Variants in ADGRL3 observed in about 807,000 individuals in gnomAD.
The protein encoded by ADGRL3 is adhesion G protein-coupled receptor L3.
In ADGRL3, 62 loss-of-function variants were observed where a neutral mutation model predicts 153.5. That is an observed-to-expected ratio of 0.40 (90% CI 0.33 to 0.50). The LOEUF (loss-of-function observed/expected upper bound fraction) is 0.50. Ranked by LOEUF, ADGRL3 falls within the 20% of genes least tolerant of loss-of-function variation. The pLI is 0.47. For missense variants in ADGRL3, 1,641 were observed against 1,859.4 expected (o/e 0.88, Z 2.16); for synonymous variants, 710 against 672.5 (o/e 1.06, Z -0.86).
intron 9 of ADGRL3, among the ~76,000 whole-genome samples, chr4:61,816,713 G>T (rs546485421): frequency 1.3e-5 from 2 of 152,300 alleles, no homozygotes; most frequent in Non-Finnish European, 1.5e-5. Context: ...GACCTGTCTG[G>T]AACAGCCGCT....
chr4:62,033,039 A>G (rs989675179), intron 23 of ADGRL3, among the ~76,000 whole-genome samples: 3 of 151,416 alleles, frequency 2.0e-5, no homozygotes, highest in Non-Finnish European at 4.4e-5. Context: ...TAATATGTAC[A>G]CCCCCCAAAT....
intron 5 of ADGRL3, among the ~76,000 whole-genome samples, chr4:61,655,550 A>G (rs2094421289): frequency 6.6e-6 from 1 of 152,330 alleles, no homozygotes; most frequent in East Asian, 1.9e-4. Flanking sequence ...TTACACTTGG[A>G]AAAAATTAAG....
At chr4:62,006,223 A>T (rs1365861261) in intron 21 of ADGRL3, among the ~76,000 whole-genome samples, 1 of 151,160 alleles carries the variant, frequency 6.6e-6, no homozygotes, top group African/African-American at 2.4e-5. Flanking sequence ...TTTAGTAGAG[A>T]TGGGGTTTCA....
chr4:61,929,011 A>G (rs2098806333), intron 13 of ADGRL3, among the ~76,000 whole-genome samples: 1 of 152,146 alleles, frequency 6.6e-6, no homozygotes, highest in Admixed American at 6.5e-5. Context: ...AGAAAATCAG[A>G]ACAAATATAG....
intron 4 of ADGRL3, among the ~76,000 whole-genome samples, chr4:61,585,422 C>G (rs1181573473): frequency 1.3e-5 from 2 of 151,914 alleles, no homozygotes; most frequent in Non-Finnish European, 2.9e-5. Context: ...TTTATAGTTA[C>G]ATGTTTTCTC....
intron 21 of ADGRL3, among the ~76,000 whole-genome samples, chr4:62,004,102 G>A (rs909778136): frequency 1.3e-5 from 2 of 152,004 alleles, no homozygotes. Flanking sequence ...TATTATATTA[G>A]TATTTTGTGG....
Position 61,392,684 on chromosome 4 carries a change from C to CAAAAAAAAAAAAA in ADGRL3, c.-174+9505_-174+9517dup, listed in dbSNP as rs397993633. On this transcript the variant is annotated intron_variant, in intron 2 of 26. Transcript: ENST00000683033. Reference sequence around the variant, plus strand: ...CTGGTGACAGAGCGAGACTCCATCTCAAAAAAAAAAAAAAAAAAAAAAGAA... The same window carrying CAAAAAAAAAAAAA: ...CTGGTGACAGAGCGAGACTCCATCTCAAAAAAAAAAAAAAAAAAAAAAAAAAAAAAAAAAAGAA... Among the ~76,000 whole-genome samples, 10 of 13,378 alleles carry CAAAAAAAAAAAAA rather than the reference C, an allele frequency of 7.5e-4. 3 individuals are homozygous for CAAAAAAAAAAAAA. The highest frequency in any genetic ancestry group is 2.5e-3 in the East Asian group (1 of 402). The allele number at this position is 13,378 out of a possible 152,430, so 8.8% of individuals were successfully genotyped here. A position where few individuals can be genotyped will look rare whatever the true frequency, so the allele number is the denominator to read the frequency against.
rs1734355382 is a variant in ADGRL3 at position 61,200,607 on chromosome 4, C to G, written c.-1398C>G. On this transcript the variant is annotated 5_prime_UTR_variant, in exon 1 of 27. Coordinates refer to ENST00000683033, the MANE Select transcript of ADGRL3 (RefSeq NM_001387552.1). ...GCCACCGCCGCCTGTGACTCGCCCC[C>G]TCCCCTTTCTTTCTTCTCTTTTTGC... is the stretch of plus-strand genomic sequence containing the variant. 6.6e-6 allele frequency among the ~76,000 whole-genome samples: 1 copy of G among 152,130 alleles called. No homozygotes were observed. The highest frequency in any genetic ancestry group is 1.5e-5 in the Non-Finnish European group (1 of 68,022).
At chr4:61,759,766 G>A (rs113287042) in intron 8 of ADGRL3, among the ~76,000 whole-genome samples, 4,915 of 152,242 alleles carry the variant, frequency 0.032, 242 homozygotes, top group African/African-American at 0.11. Context: ...AGAGTTTCCA[G>A]TTTTTCTACT....
intron 4 of ADGRL3, among the ~76,000 whole-genome samples, chr4:61,538,060 T>G (rs576192202): frequency 1.1e-4 from 17 of 152,176 alleles, no homozygotes; most frequent in African/African-American, 4.1e-4. Flanking sequence ...ACCGCTGGAG[T>G]TTTTACATGG....
At chr4:62,057,643 A>T (rs1162707450) in intron 25 of ADGRL3, among the ~76,000 whole-genome samples, 1 of 152,060 alleles carries the variant, frequency 6.6e-6, no homozygotes, top group African/African-American at 2.4e-5. Context: ...TTTATTGACA[A>T]CCATGGTAAT....
At chr4:61,731,271 T>C (rs2096437052) in intron 7 of ADGRL3, among the ~76,000 whole-genome samples, 1 of 152,196 alleles carries the variant, frequency 6.6e-6, no homozygotes, top group East Asian at 1.9e-4. Flanking sequence ...ATTTTAGTAA[T>C]GTACTTTTCT....
chr4:61,855,319 G>T (rs2098250587), intron 9 of ADGRL3, among the ~76,000 whole-genome samples: 1 of 152,044 alleles, frequency 6.6e-6, no homozygotes, highest in Admixed American at 6.6e-5. Flanking sequence ...CACAGAAAAA[G>T]AAATAAAATT....
chr4:61,413,520 G>T (rs2097111466), intron 2 of ADGRL3, among the ~76,000 whole-genome samples: 1 of 152,038 alleles, frequency 6.6e-6, no homozygotes, highest in Non-Finnish European at 1.5e-5. Flanking sequence ...GGAACTCTAG[G>T]CTTTCTTTGG....
At chr4:61,553,605 A>G (rs2098750632) in intron 4 of ADGRL3, among the ~76,000 whole-genome samples, 1 of 152,224 alleles carries the variant, frequency 6.6e-6, no homozygotes, top group Admixed American at 6.5e-5. Flanking sequence ...ACATCACAAT[A>G]TAATAAGAGA....
rs1417147439 is a variant in ADGRL3 at position 61,354,399 on chromosome 4, TA to T, written c.-239-28719del. On this transcript the variant is annotated intron_variant, in intron 1 of 26. Transcript: ENST00000683033. ...TGGACATCCGCATATATAAATTGTT[TA>T]AAAAATATGTTAAGGCAATACAAAT... is the stretch of plus-strand genomic sequence containing the variant. Among the ~76,000 whole-genome samples, 15 of 152,240 alleles carry T rather than the reference TA, an allele frequency of 9.9e-5. 1 individual carries two copies. The highest frequency in any genetic ancestry group is 3.4e-4 in the African/African-American group (14 of 41,544).
chr4:61,624,165 A>G (rs976944449), intron 5 of ADGRL3, among the ~76,000 whole-genome samples: 7 of 152,272 alleles, frequency 4.6e-5, no homozygotes, highest in African/African-American at 1.4e-4. Context: ...TTCAATTTTC[A>G]TTTTTAAGGA....
At chr4:61,813,676 G>A (rs1486097156) in intron 8 of ADGRL3, 133 bp from the exon 9 acceptor site, 1 of 907,596 alleles carries the variant, frequency 1.1e-6, no homozygotes, top group Non-Finnish European at 1.6e-6. Flanking sequence ...TTATGTTTGG[G>A]CAGATATGTC....
At chr4:61,243,102 CAT>C (rs772518693) in intron 1 of ADGRL3, among the ~76,000 whole-genome samples, 2 of 152,002 alleles carry the variant, frequency 1.3e-5, no homozygotes, top group Non-Finnish European at 2.9e-5. Flanking sequence ...TAGACATGAA[CAT>C]TTAAAGATGA....
Sources: gnomAD v4.1 joint callset for allele counts (sites outside exome capture counted in the v4.1 genomes callset) on GRCh38, gnomAD v4.1.1 for gene constraint, MANE v1.5 for transcripts, NCBI Gene and HGNC (gene_info 2026-07-23, HGNC 2026-07-21) for gene names.